The following CTNNA3 variants were observed in gnomAD, a reference collection of about 807,000 sequenced individuals.
The protein encoded by CTNNA3 is catenin alpha 3.
In CTNNA3, 76 loss-of-function variants were observed where a neutral mutation model predicts 95.7. The observed-to-expected ratio is 0.79, with a 90% CI of 0.66 to 0.96. The LOEUF (loss-of-function observed/expected upper bound fraction) is 0.96. Ranked by LOEUF, CTNNA3 falls within the 40% of genes least tolerant of loss-of-function variation. The pLI is 0.00. For missense variants in CTNNA3, 1,191 were observed against 1,089.8 expected (o/e 1.09, Z -1.31); for synonymous variants, 431 against 374.4 (o/e 1.15, Z -1.74).
intron 5 of CTNNA3, among the ~76,000 whole-genome samples, chr10:67,403,888 C>A (rs560012151): frequency 6.6e-6 from 1 of 152,288 alleles, no homozygotes; most frequent in East Asian, 1.9e-4. Flanking sequence ...TGTTTTGCAG[C>A]CTTCACCGGT....
At chr10:67,546,553 A>C (rs1224669472) in intron 3 of CTNNA3, among the ~76,000 whole-genome samples, 1 of 152,222 alleles carries the variant, frequency 6.6e-6, no homozygotes, top group Non-Finnish European at 1.5e-5. Context: ...ACAAACTGAC[A>C]AAGGAACAAA....
chr10:67,563,516 T>C (rs1222271747), intron 3 of CTNNA3, among the ~76,000 whole-genome samples: 2 of 152,160 alleles, frequency 1.3e-5, no homozygotes, highest in African/African-American at 4.8e-5. Context: ...GATTTAAATG[T>C]CAGACCTAAA....
At chr10:67,109,831 A>G (rs1427787784) in intron 7 of CTNNA3, among the ~76,000 whole-genome samples, 3 of 152,202 alleles carry the variant, frequency 2.0e-5, no homozygotes, top group Admixed American at 2.0e-4. Context: ...CAACAGAGAG[A>G]GACTCAATCT....
intron 9 of CTNNA3, among the ~76,000 whole-genome samples, chr10:66,753,862 CA>C (rs1839263164): frequency 2.6e-5 from 4 of 151,542 alleles, no homozygotes; most frequent in Admixed American, 2.0e-4. Context: ...AACTACAAAA[CA>C]TTGTTGAAAA....
chr10:66,709,124 C>G (rs1053297764), intron 9 of CTNNA3, among the ~76,000 whole-genome samples: 4 of 152,056 alleles, frequency 2.6e-5, no homozygotes, highest in Admixed American at 6.6e-5. Context: ...GCAGCAGAAC[C>G]TTATACACAA....
chr10:66,419,869 C>T (rs2093177428), intron 11 of CTNNA3, among the ~76,000 whole-genome samples: 1 of 152,172 alleles, frequency 6.6e-6, no homozygotes, highest in Non-Finnish European at 1.5e-5. Flanking sequence ...CTATCTCTCA[C>T]TGTACACAAA....
intron 14 of CTNNA3, among the ~76,000 whole-genome samples, chr10:66,089,106 CTTTTG>C (rs2133684276): frequency 6.6e-6 from 1 of 151,904 alleles, no homozygotes; most frequent in African/African-American, 2.4e-5. Flanking sequence ...CGCCCCTTTT[CTTTTG>C]TTTTTGGTCT....
At chr10:66,087,210 C>T (rs1429563708) in intron 14 of CTNNA3, among the ~76,000 whole-genome samples, 1 of 152,070 alleles carries the variant, frequency 6.6e-6, no homozygotes, top group Non-Finnish European at 1.5e-5. Context: ...TCTCCTCAAG[C>T]CCCTCTATAA....
chr10:67,205,389 C>G (rs1411924497), intron 6 of CTNNA3, among the ~76,000 whole-genome samples: 1 of 152,130 alleles, frequency 6.6e-6, no homozygotes, highest in Non-Finnish European at 1.5e-5. Flanking sequence ...GGGCCTCTTA[C>G]TAGTAAATAA....
intron 9 of CTNNA3, among the ~76,000 whole-genome samples, chr10:66,752,856 G>A (rs556597093): frequency 0.012 from 1,805 of 149,850 alleles, 23 homozygotes; most frequent in African/African-American, 0.042. Flanking sequence ...ACACACACAC[G>A]CACACACACA....
intron 6 of CTNNA3, among the ~76,000 whole-genome samples, chr10:67,196,320 C>A (rs1564963269): frequency 6.6e-6 from 1 of 151,796 alleles, no homozygotes; most frequent in Non-Finnish European, 1.5e-5. Flanking sequence ...TACTTTGGTA[C>A]ATTAGTGTAA....
intron 2 of CTNNA3, among the ~76,000 whole-genome samples, chr10:67,617,263 C>A (rs1478599937): frequency 6.6e-6 from 1 of 152,166 alleles, no homozygotes; most frequent in Non-Finnish European, 1.5e-5. Context: ...TCCCTCCACC[C>A]TCTTATAGGA....
At chr10:67,759,518 G>C (rs902234529) in intron 1 of CTNNA3, among the ~76,000 whole-genome samples, 4 of 152,166 alleles carry the variant, frequency 2.6e-5, no homozygotes, top group Non-Finnish European at 5.9e-5. Flanking sequence ...GAAAGAACAA[G>C]GATTTGGGGT....
At chr10:67,120,697 A>G (rs1323549420) in intron 7 of CTNNA3, among the ~76,000 whole-genome samples, 1 of 152,060 alleles carries the variant, frequency 6.6e-6, no homozygotes, top group Non-Finnish European at 1.5e-5. Context: ...CCTACTGTAT[A>G]TATCTTGTTT....
upstream of CTNNA3, among the ~76,000 whole-genome samples, chr10:67,700,621 T>C (rs999543199): frequency 6.6e-6 from 1 of 152,066 alleles, no homozygotes; most frequent in Non-Finnish European, 1.5e-5. Context: ...CAAAAACCCA[T>C]CTGTACATCA....
intron 5 of CTNNA3, among the ~76,000 whole-genome samples, chr10:67,475,459 C>T (rs991768463): frequency 2.0e-5 from 3 of 152,176 alleles, no homozygotes; most frequent in African/African-American, 4.8e-5. Flanking sequence ...CTACCTATGG[C>T]TTCCTCCTTC....
At chr10:66,380,621 CTATCTATATATATATA>C (rs1292387261) in intron 11 of CTNNA3, among the ~76,000 whole-genome samples, 87 of 105,726 alleles carry the variant, frequency 8.2e-4, no homozygotes, top group African/African-American at 3.6e-3. Context: ...ATCTATCTAT[CTATCTATATATATATA>C]TATATTAAAT....
chr10:66,291,986 TC>T (rs1399956203), intron 12 of CTNNA3, among the ~76,000 whole-genome samples: 20 of 151,494 alleles, frequency 1.3e-4, no homozygotes, highest in African/African-American at 4.8e-4. Context: ...CCTCAATATA[TC>T]ATTTGATGTG....
intron 1 of CTNNA3, among the ~76,000 whole-genome samples, chr10:67,747,379 C>G (rs976863753): frequency 6.6e-6 from 1 of 152,176 alleles, no homozygotes; most frequent in Non-Finnish European, 1.5e-5. Flanking sequence ...ATGTCAGTGA[C>G]CCTTTAGGAC....
Sources: gnomAD v4.1 joint callset for allele counts (sites outside exome capture counted in the v4.1 genomes callset) on GRCh38, gnomAD v4.1.1 for gene constraint, MANE v1.5 for transcripts, NCBI Gene and HGNC (gene_info 2026-07-23, HGNC 2026-07-21) for gene names.